Variants in EHBP1 observed in about 807,000 individuals in gnomAD.
EHBP1 encodes EH domain binding protein 1, also known as EH domain-binding protein 1.
In EHBP1, 55 loss-of-function variants were observed where a neutral mutation model predicts 144.0. The observed-to-expected ratio is 0.38, with a 90% CI of 0.31 to 0.48. The LOEUF (loss-of-function observed/expected upper bound fraction) is 0.48, where lower values mean the gene tolerates loss of function less well. Among genes scored for constraint, EHBP1 ranks in the 20% least tolerant of loss-of-function variants. The probability of loss-of-function intolerance (pLI) is 0.98; values close to 1 mark genes in which losing one functional copy is unlikely to be tolerated. For synonymous variants in EHBP1, 469 were observed against 472.7 expected, an observed-to-expected ratio of 0.99 and a Z score of 0.10; for missense variants, 1,200 against 1,364.2, an observed-to-expected ratio of 0.88 and a Z score of 1.90.
intron 5 of EHBP1, among the ~76,000 whole-genome samples, chr2:62,777,539 A>G (rs1253798228): frequency 1.3e-5 from 2 of 151,512 alleles, no homozygotes; most frequent in East Asian, 1.9e-4. Context: ...AATTGGGATC[A>G]TCTTATATCT....
At chr2:63,012,274 G>A (rs962912974) in intron 19 of EHBP1, among the ~76,000 whole-genome samples, 1 of 151,882 alleles carries the variant, frequency 6.6e-6, no homozygotes, top group African/African-American at 2.4e-5. Context: ...AAATGCTACT[G>A]TGTCATATAG....
intron 1 of EHBP1, among the ~76,000 whole-genome samples, chr2:62,678,103 C>T (rs922537383): frequency 2.6e-5 from 4 of 152,170 alleles, no homozygotes; most frequent in Non-Finnish European, 4.4e-5. Flanking sequence ...CCACCAACAG[C>T]GTACCCGTTC....
chr2:62,722,779 G>C (rs1388664760), intron 2 of EHBP1, among the ~76,000 whole-genome samples: 1 of 152,140 alleles, frequency 6.6e-6, no homozygotes, highest in African/African-American at 2.4e-5. Context: ...ATTAGGTTCA[G>C]GTTATTAATA....
At chr2:63,038,927 G>A (rs2061551278) in intron 21 of EHBP1, 111 bp downstream of exon 21, 14 of 964,704 alleles carry the variant, frequency 1.5e-5, no homozygotes, top group Middle Eastern at 2.2e-4. Flanking sequence ...GGGACCTTCC[G>A]GAATTGCAAA....
At chr2:62,762,936 C>G (rs2040876742) in intron 3 of EHBP1, among the ~76,000 whole-genome samples, 1 of 152,118 alleles carries the variant, frequency 6.6e-6, no homozygotes, top group Admixed American at 6.6e-5. Flanking sequence ...CTACCAGGGC[C>G]TTATATGATT....
chr2:63,008,437 C>A (rs2060131964), intron 19 of EHBP1, among the ~76,000 whole-genome samples: 1 of 150,578 alleles, frequency 6.6e-6, no homozygotes, highest in Non-Finnish European at 1.5e-5. Flanking sequence ...CTTTCTTGTT[C>A]TTGTCTGCTT....
intron 1 of EHBP1, among the ~76,000 whole-genome samples, chr2:62,692,582 AAGT>A (rs1176685015): frequency 6.6e-6 from 1 of 152,140 alleles, no homozygotes; most frequent in Admixed American, 6.6e-5. Context: ...AATTGGTGTA[AAGT>A]AGTATCTTAC....
At chr2:62,836,125 C>T (rs2152687834) in intron 7 of EHBP1, among the ~76,000 whole-genome samples, 1 of 152,246 alleles carries the variant, frequency 6.6e-6, no homozygotes, top group East Asian at 1.9e-4. Context: ...GTGGTTCTCC[C>T]AGCACGCAGC....
chr2:62,996,168 G>T (rs2059618611), intron 18 of EHBP1, among the ~76,000 whole-genome samples: 1 of 151,676 alleles, frequency 6.6e-6, no homozygotes, highest in Non-Finnish European at 1.5e-5. Context: ...CTTTAATTTT[G>T]TATTTCCATA....
At chr2:62,882,100 T>C (rs918507024) in intron 10 of EHBP1, among the ~76,000 whole-genome samples, 19 of 152,248 alleles carry the variant, frequency 1.2e-4, no homozygotes, top group African/African-American at 4.3e-4. Context: ...CAAGTTTTAA[T>C]TTCATTCTGT....
chr2:62,977,178 A>G (rs1004317120), intron 14 of EHBP1, among the ~76,000 whole-genome samples: 4 of 151,850 alleles, frequency 2.6e-5, no homozygotes, highest in African/African-American at 9.7e-5. Flanking sequence ...AGACTTAAAA[A>G]AAAAAAAAGA....
chr2:62,771,023 G>A (rs1365181662), intron 4 of EHBP1, among the ~76,000 whole-genome samples: 1 of 152,142 alleles, frequency 6.6e-6, no homozygotes, highest in Non-Finnish European at 1.5e-5. Flanking sequence ...GGTGAAGGGT[G>A]GGAGGAGGGA....
intron 10 of EHBP1, among the ~76,000 whole-genome samples, chr2:62,911,362 T>C (rs191626423): frequency 6.6e-6 from 1 of 152,304 alleles, no homozygotes; most frequent in East Asian, 1.9e-4. Flanking sequence ...TTGTTGTTCT[T>C]GTTGTTACTT....
At chr2:62,866,730 A>G (rs1243353418) in intron 9 of EHBP1, among the ~76,000 whole-genome samples, 2 of 152,192 alleles carry the variant, frequency 1.3e-5, no homozygotes, top group Admixed American at 1.3e-4. Context: ...GGATCAGTGA[A>G]CTGTGGAACA....
intron 5 of EHBP1, among the ~76,000 whole-genome samples, chr2:62,810,438 T>A (rs898295394): frequency 6.6e-6 from 1 of 152,170 alleles, no homozygotes; most frequent in Non-Finnish European, 1.5e-5. Flanking sequence ...TGGAGAGATT[T>A]AGCAGTTAGA....
At chr2:62,791,657 T>G (rs528265753) in intron 5 of EHBP1, among the ~76,000 whole-genome samples, 3 of 152,044 alleles carry the variant, frequency 2.0e-5, no homozygotes, top group Non-Finnish European at 4.4e-5. Flanking sequence ...GTTTGTTAGG[T>G]AACAAAGTTT....
intron 7 of EHBP1, among the ~76,000 whole-genome samples, chr2:62,854,964 G>A (rs951866440): frequency 5.3e-5 from 8 of 152,182 alleles, no homozygotes; most frequent in East Asian, 1.9e-4. Flanking sequence ...TTGGACCCTG[G>A]AGCAGGTGGG....
intron 19 of EHBP1, among the ~76,000 whole-genome samples, chr2:63,008,263 C>T (rs2060125872): frequency 6.6e-6 from 1 of 151,576 alleles, no homozygotes; most frequent in Non-Finnish European, 1.5e-5. Flanking sequence ...GGTGGACTAG[C>T]AAGTGATATG....
In EHBP1 at chr2:62,892,734, G is replaced by T. The variant is rs560576731; in HGVS notation, c.1185+18202G>T. 2.4e-3 allele frequency among the ~76,000 whole-genome samples: 369 copies of T among 151,878 alleles called. 1 individual carries two copies. The highest frequency in any genetic ancestry group is 8.3e-3 in the African/African-American group (346 of 41,438). The stretch of plus-strand genomic sequence containing the variant: ...ATTTTAGTATAAAAATTATTTATTT[G>T]CTCCCTCCCACCCTCAATAGTGTTT... On this transcript the variant is annotated intron_variant, in intron 10 of 22. Coordinates refer to ENST00000431489, the MANE Select transcript of EHBP1 (RefSeq NM_001142616.3).
Sources: gnomAD v4.1 joint callset for allele counts (sites outside exome capture counted in the v4.1 genomes callset) on GRCh38, gnomAD v4.1.1 for gene constraint, MANE v1.5 for transcripts, NCBI Gene and HGNC (gene_info 2026-07-23, HGNC 2026-07-21) for gene names.